MRPS31: variants seen among roughly 807,000 people sequenced by gnomAD.
MRPS31 encodes small ribosomal subunit protein mS31.
In MRPS31, 32 loss-of-function variants were observed where a neutral mutation model predicts 43.1. That is an observed-to-expected ratio of 0.74 (90% CI 0.56 to 1.00). The LOEUF (loss-of-function observed/expected upper bound fraction) is 1.00, where lower values mean the gene tolerates loss of function less well. Ranked by LOEUF, MRPS31 falls within the 50% of genes least tolerant of loss-of-function variation. MRPS31 has a pLI of 0.00. For synonymous variants in MRPS31, 165 were observed against 161.6 expected (o/e 1.02, Z -0.16); for missense variants, 437 against 466.7 (o/e 0.94, Z 0.59).
chr13:40,757,309 G>C (rs551035572), intron 3 of MRPS31, among the ~76,000 whole-genome samples: 1 of 152,178 alleles, frequency 6.6e-6, no homozygotes, highest in South Asian at 2.1e-4. Context: ...ATCAGTATCT[G>C]TTATACCTAT....
At chr13:40,740,487 G>A (rs1343906749) in intron 6 of MRPS31, among the ~76,000 whole-genome samples, 1 of 137,626 alleles carries the variant, frequency 7.3e-6, no homozygotes, top group Admixed American at 7.3e-5. Flanking sequence ...AAATGCACAC[G>A]TATGTTTATT....
intron 4 of MRPS31, among the ~76,000 whole-genome samples, chr13:40,755,754 C>A (rs139853338): frequency 0.011 from 1,607 of 152,258 alleles, 18 homozygotes; most frequent in African/African-American, 0.035. Flanking sequence ...GCACAGAAAA[C>A]CCTTTCCTAC....
intron 6 of MRPS31, among the ~76,000 whole-genome samples, chr13:40,741,612 T>C (rs1257261889): frequency 6.6e-6 from 1 of 152,164 alleles, no homozygotes; most frequent in Non-Finnish European, 1.5e-5. Context: ...AGAAACAGAA[T>C]TTTTACATAG....
At chr13:40,733,002 T>G (rs941288283) in intron 6 of MRPS31, among the ~76,000 whole-genome samples, 2 of 143,160 alleles carry the variant, frequency 1.4e-5, no homozygotes, top group Non-Finnish European at 3.1e-5. Flanking sequence ...TGGTTTTTTT[T>G]TTTTTTTTTT....
chr13:40,759,367 G>A (rs1398240486), intron 2 of MRPS31, among the ~76,000 whole-genome samples: 1 of 152,152 alleles, frequency 6.6e-6, no homozygotes, highest in African/African-American at 2.4e-5. Flanking sequence ...AAAGCCAGGA[G>A]GTGGAGGCTG....
At chr13:40,740,839 T>G (rs1880066226) in intron 6 of MRPS31, among the ~76,000 whole-genome samples, 2 of 145,358 alleles carry the variant, frequency 1.4e-5, no homozygotes, top group South Asian at 2.3e-4. Context: ...TAATGCTAGA[T>G]GACGAGTTAG....
At chr13:40,754,362 TTTTTA>T (rs1466639705) in intron 4 of MRPS31, among the ~76,000 whole-genome samples, 7 of 152,218 alleles carry the variant, frequency 4.6e-5, no homozygotes, top group Non-Finnish European at 8.8e-5. Context: ...TTTGCCATAA[TTTTTA>T]TTTTTTCACG....
chr13:40,729,555 C>T lies in MRPS31; in HGVS notation c.1005G>A (p.Glu335=). ...GSEFHEHIFL[E]KHLESFPKQG... Reference sequence around the variant, plus strand: ...GTTTTGGAAAGCTCTCCAGGTGTTTCTCCAGAAATATATGTTCATGAAATT... The same window carrying T: ...GTTTTGGAAAGCTCTCCAGGTGTTTTTCCAGAAATATATGTTCATGAAATT... Residue 335 remains glutamate, a synonymous_variant, in exon 7 of 7, where the codon GAG becomes GAA. Transcript: ENST00000323563. 7 of 1,613,946 alleles carry T rather than the reference C, an allele frequency of 4.3e-6. No individual in the cohort carries two copies. Among genetic ancestry groups the T allele is most frequent in the Non-Finnish European group, 5.9e-6 (7 of 1,179,952 alleles).
At chr13:40,741,888 T>TACACACAC (rs61011673) in intron 6 of MRPS31, among the ~76,000 whole-genome samples, 1,578 of 140,790 alleles carry the variant, frequency 0.011, 35 homozygotes, top group African/African-American at 0.036. Flanking sequence ...AGTAACAAAA[T>TACACACAC]ACACACACAC....
rs1880327107 is a variant in MRPS31 at position 40,749,380 on chromosome 13, C to G, written c.815-99G>C. Reference sequence around the variant, plus strand: ...GAATTGACCATGTATTTTTCAGACCCTGACATTCATAATTAAATAGTATAT... The same window carrying G: ...GAATTGACCATGTATTTTTCAGACCGTGACATTCATAATTAAATAGTATAT... On this transcript the variant is annotated intron_variant, in intron 5 of 6. Coordinates refer to ENST00000323563, the MANE Select transcript of MRPS31 (RefSeq NM_005830.4). 3 of 896,358 alleles carry G rather than the reference C, an allele frequency of 3.3e-6. No individual in the cohort carries two copies. In the African/African-American group the frequency reaches 5.3e-5, roughly 16 times the overall value. 55.5% of individuals were successfully genotyped at this position (896,358 alleles called of 1,614,324 possible).
At chr13:40,739,025 A>G (rs1437100634) in intron 6 of MRPS31, among the ~76,000 whole-genome samples, 1 of 152,214 alleles carries the variant, frequency 6.6e-6, no homozygotes, top group East Asian at 1.9e-4. Flanking sequence ...ACATGATTGT[A>G]TATCTAGAAA....
At chr13:40,761,918 A>T (rs1276228223) in intron 2 of MRPS31, among the ~76,000 whole-genome samples, 3 of 150,412 alleles carry the variant, frequency 2.0e-5, no homozygotes, top group Non-Finnish European at 4.4e-5. Context: ...AAGAAAATAA[A>T]CAGAAAAAAA....
chr13:40,749,281 T>A lies in MRPS31; in HGVS notation c.815A>T (p.Asp272Val). Reference sequence around the variant, plus strand: ...CACATCCCAAAGTGAAGGTGATGTGTCTACATAATAAAGACATTTTAGATA... The same window carrying A: ...CACATCCCAAAGTGAAGGTGATGTGACTACATAATAAAGACATTTTAGATA... The part of the protein sequence containing the change: ...MAVTKEAPET[D>V]TSPSLWDVEF... Residue 272 changes from aspartate to valine, a missense_variant and splice_region_variant, in exon 6 of 7, where the codon GAC becomes GTC. Transcript: ENST00000323563. 1 of 1,560,158 alleles carries A rather than the reference T, an allele frequency of 6.4e-7. No homozygotes were observed.
At chr13:40,736,866 G>T (rs1380618522) in intron 6 of MRPS31, among the ~76,000 whole-genome samples, 1 of 150,430 alleles carries the variant, frequency 6.6e-6, no homozygotes, top group Non-Finnish European at 1.5e-5. Flanking sequence ...GGAAGAAACT[G>T]CATCAACTAA....
intron 5 of MRPS31, 94 bp from the exon 6 acceptor site, chr13:40,749,375 A>T (rs1369537658): frequency 1.1e-6 from 1 of 947,880 alleles, no homozygotes; most frequent in African/African-American, 1.7e-5. Flanking sequence ...TGTATTTTTC[A>T]GACCCTGACA....
intron 6 of MRPS31, among the ~76,000 whole-genome samples, chr13:40,739,159 G>A (rs1670684059): frequency 6.6e-6 from 1 of 152,072 alleles, no homozygotes; most frequent in Non-Finnish European, 1.5e-5. Context: ...CAAACAGAGA[G>A]CCAAATCATG....
intron 4 of MRPS31, among the ~76,000 whole-genome samples, chr13:40,754,858 G>A (rs763365313): frequency 6.6e-5 from 10 of 152,092 alleles, no homozygotes; most frequent in Non-Finnish European, 7.4e-5. Context: ...GTGAAACCCC[G>A]TCTCTACTAA....
In MRPS31 at chr13:40,737,515, T is replaced by C. The variant is rs950978229; in HGVS notation, c.959-7914A>G. On this transcript the variant is annotated intron_variant, in intron 6 of 6. Transcript: ENST00000323563. Reference sequence around the variant, plus strand: ...GCACCACACCACACCTATTCCAAAATTGACCACATACTTGGAAGTAAAGCT... The same window carrying C: ...GCACCACACCACACCTATTCCAAAACTGACCACATACTTGGAAGTAAAGCT... Among the ~76,000 whole-genome samples the C allele has an allele frequency of 2.6e-3, 394 of 152,188 alleles. 1 individual carries two copies. The highest frequency in any genetic ancestry group is 0.01 in the Middle Eastern group (3 of 294).
chr13:40,732,443 A>T lies in MRPS31; in HGVS notation c.959-2842T>A, dbSNP rs554492405. ...TTTTATCTTGGTAAAAGAACTAAAC[A>T]TGTGCATGGGCAGGGGATGGTGGCT... On this transcript the variant is annotated intron_variant, in intron 6 of 6. Coordinates refer to ENST00000323563, the MANE Select transcript of MRPS31 (RefSeq NM_005830.4). Among the ~76,000 whole-genome samples, 3 of 152,308 alleles carry T rather than the reference A, an allele frequency of 2.0e-5. No individual in the cohort carries two copies. The South Asian group carries it at 6.2e-4, about 32-fold the overall frequency.
Sources: gnomAD v4.1 joint callset for allele counts (sites outside exome capture counted in the v4.1 genomes callset) on GRCh38, gnomAD v4.1.1 for gene constraint, MANE v1.5 for transcripts, NCBI Gene and HGNC (gene_info 2026-07-23, HGNC 2026-07-21) for gene names.